SERPINA1: variants seen among roughly 807,000 people sequenced by gnomAD.
SERPINA1 encodes serpin family A member 1, also known as alpha-1-antitrypsin.
A neutral mutation model predicts 25.4 loss-of-function variants in SERPINA1; 21 were observed. The ratio of observed to expected loss-of-function variants is 0.83; its 90% CI spans 0.59 to 1.19. The LOEUF is 1.19. SERPINA1 is among the 50% of genes most tolerant of loss of function. The pLI is 0.00. For missense variants in SERPINA1, 546 were observed against 509.0 expected (o/e 1.07, Z -0.70); for synonymous variants, 218 against 211.1 (o/e 1.03, Z -0.29).
intron 1 of SERPINA1, among the ~76,000 whole-genome samples, chr14:94,385,658 A>G (rs1897239939): frequency 2.0e-5 from 3 of 152,222 alleles, no homozygotes; most frequent in African/African-American, 7.2e-5. Context: ...ATCTGGGTTC[A>G]ATGTAGCAAA....
At chr14:94,390,382 A>G (rs1024425725), upstream of SERPINA1, 2 of 152,636 alleles carry the variant, frequency 1.3e-5, no homozygotes, top group Non-Finnish European at 2.9e-5. Context: ...TCCCATCTGC[A>G]CAATGACCCC....
intron 1 of SERPINA1, chr14:94,383,546 A>G (rs899490429): frequency 1.7e-5 from 8 of 469,456 alleles, no homozygotes; most frequent in Non-Finnish European, 3.1e-5. Context: ...CAGAGAGATT[A>G]GGTCAGCTAT....
chr14:94,383,193 C>A lies in SERPINA1; in HGVS notation c.45G>T (p.Leu15=). ...VSWGILLLAG[L]CCLVPVSLAE... is the part of the protein sequence containing the mutation. ...CCAGGGAGACAGGGACCAGGCAGCA[C>A]AGGCCTGCCAGCAGGAGGATGCCCC... The change falls in exon 2 of 5, where the codon CTG becomes CTT. Residue 15 remains leucine, a synonymous_variant. Coordinates refer to ENST00000393087, the MANE Select transcript of SERPINA1 (RefSeq NM_000295.5). The A allele has an allele frequency of 6.2e-7, 1 of 1,614,114 alleles. No individual in the cohort carries two copies.
At chr14:94,382,083 C>A (rs1283223092) in intron 2 of SERPINA1, among the ~76,000 whole-genome samples, 1 of 152,210 alleles carries the variant, frequency 6.6e-6, no homozygotes, top group East Asian at 1.9e-4. Flanking sequence ...CCTAAAAAAA[C>A]CTGACAGCAA....
rs1053505822 is a variant in SERPINA1 at position 94,376,899 on chromosome 14, C to G, written c.*1550G>C. 2.0e-5 allele frequency: 3 copies of G among 152,218 alleles called. No individual in the cohort carries two copies. The highest frequency in any genetic ancestry group is 2.9e-5 in the Non-Finnish European group (2 of 68,062). The allele number at this position is 152,218 out of a possible 1,614,324, so 9.4% of individuals were successfully genotyped here. On this transcript the variant is annotated 3_prime_UTR_variant, in exon 5 of 5. Coordinates refer to ENST00000393087, the MANE Select transcript of SERPINA1 (RefSeq NM_000295.5). The stretch of plus-strand genomic sequence containing the variant: ...GACTTCACGAAGGTCACACAGCTGT[C>G]AGGGGGAAAAGTCAGAACTTGGATC...
chr14:94,380,833 T>C, intron 3 of SERPINA1, 38 bp downstream of exon 3: 1 of 1,614,124 alleles, frequency 6.2e-7, no homozygotes, highest in Non-Finnish European at 8.5e-7. Flanking sequence ...CTAAGAGGTG[T>C]GGGCAGCTTC....
chr14:94,384,464 T>C (rs1459942132), intron 1 of SERPINA1, among the ~76,000 whole-genome samples: 1 of 151,984 alleles, frequency 6.6e-6, no homozygotes, highest in Non-Finnish European at 1.5e-5. Flanking sequence ...TAGGGAGTGG[T>C]GGGGCCTGTG....
At chr14:94,385,017 G>A (rs1399327699) in intron 1 of SERPINA1, among the ~76,000 whole-genome samples, 2 of 152,208 alleles carry the variant, frequency 1.3e-5, no homozygotes, top group African/African-American at 2.4e-5. Context: ...AATTAGTGCT[G>A]TATATTTCCA....
chr14:94,379,326 C>G (rs937582523), intron 4 of SERPINA1, 138 bp downstream of exon 4: 24 of 1,280,022 alleles, frequency 1.9e-5, no homozygotes, highest in Non-Finnish European at 2.4e-5. Context: ...CAGTGAATCA[C>G]GGGCATCTTC....
At chr14:94,389,085 A>G (rs1267563566), upstream of SERPINA1, 1 of 152,250 alleles carries the variant, frequency 6.6e-6, no homozygotes, top group Admixed American at 6.5e-5. Context: ...CCGCTCATCC[A>G]AAGTTACCCA....
At position 94,378,590 on chromosome 14, in the gene SERPINA1, AGCAGC is replaced by A. The variant is rs751343534; in HGVS notation, c.1111_1115del (p.Ala371TrpfsTer28). 1.3e-5 allele frequency: 21 copies of A among 1,613,974 alleles called. No homozygotes were observed. The highest frequency in any genetic ancestry group is 8.5e-7 in the Non-Finnish European group (1 of 1,180,004). ...GTATGGCCTCTAAAAACATGGCCCC[AGCAGC>A]TTCAGTCCCTTTCTCGTCGATGGTC... is the stretch of plus-strand genomic sequence containing the variant. On this transcript the variant is annotated frameshift_variant, in exon 5 of 5. Transcript: ENST00000393087. LOFTEE classifies it low-confidence loss of function (END_TRUNC).
chr14:94,390,350 T>TA (rs2139737036), upstream of SERPINA1: 1 of 152,744 alleles, frequency 6.5e-6, no homozygotes, highest in Non-Finnish European at 1.5e-5. Flanking sequence ...GGGCATTTCT[T>TA]CCCCTCTCTG....
intron 4 of SERPINA1, chr14:94,379,116 T>C (rs1198053804): frequency 1.7e-6 from 1 of 576,326 alleles, no homozygotes; most frequent in East Asian, 2.9e-5. Flanking sequence ...ATCTCACAGA[T>C]CGAAGGAGTC....
chr14:94,380,683 A>T (rs1896836860), intron 3 of SERPINA1, 188 bp downstream of exon 3: 4 of 716,496 alleles, frequency 5.6e-6, no homozygotes, highest in Non-Finnish European at 9.9e-6. Context: ...CTCCTCATGG[A>T]GCATGGATGG....
At chr14:94,379,754 G>T in intron 3 of SERPINA1, 143 bp from the exon 4 acceptor site, 3 of 1,138,418 alleles carry the variant, frequency 2.6e-6, no homozygotes, top group Non-Finnish European at 3.9e-6. Context: ...TGGGAACTCG[G>T]CTTTGGTTTG....
At position 94,386,113 on chromosome 14, in the gene SERPINA1, T is replaced by G. The variant is rs115993518; in HGVS notation, c.-5+2447A>C. 3.8e-3 allele frequency among the ~76,000 whole-genome samples: 572 copies of G among 152,330 alleles called. 4 individuals are homozygous for G. The highest frequency in any genetic ancestry group is 0.013 in the African/African-American group (559 of 41,578). ...TCCAAAACCTGCTCTCTCCTGGCCC[T>G]TCTATCAGAGGCAGCACCCTGCACT... On this transcript the variant is annotated intron_variant, in intron 1 of 4. Coordinates refer to ENST00000393087, the MANE Select transcript of SERPINA1 (RefSeq NM_000295.5).
At position 94,378,462 on chromosome 14, in the gene SERPINA1, G is replaced by A. The variant is rs2139664128; in HGVS notation, c.1244C>T (p.Pro415Leu). The A allele has an allele frequency of 6.2e-7, 1 of 1,614,038 alleles. No homozygotes were observed. Among genetic ancestry groups the A allele is most frequent in the East Asian group, 2.2e-5 (1 of 44,874 alleles). ...AGCGAGAGGCAGTTATTTTTGGGTG[G>A]GATTCACCACTTTTCCCATGAAGAG... ...SPLFMGKVVN[P>L]TQK is the part of the protein sequence containing the mutation. The change falls in exon 5 of 5, where the codon CCC (proline) becomes CTC (leucine). Residue 415 changes from proline to leucine, a missense_variant. Transcript: ENST00000393087.
At position 94,383,001 on chromosome 14, in the gene SERPINA1, C is replaced by G; in HGVS notation, c.237G>C (p.Val79=). The G allele has an allele frequency of 6.2e-7, 1 of 1,609,754 alleles. No individual in the cohort carries two copies. The highest frequency in any genetic ancestry group is 8.5e-7 in the Non-Finnish European group (1 of 1,176,458). ...SNSTNIFFSP[V]SIATAFAMLS... is the part of the protein sequence containing the mutation. ...GCATTGCAAAGGCTGTAGCGATGCTCACTGGGGAGAAGAAGATATTGGTGC... is the reference window on the plus strand; with the variant it reads ...GCATTGCAAAGGCTGTAGCGATGCTGACTGGGGAGAAGAAGATATTGGTGC... Residue 79 remains valine (V), a synonymous_variant, in exon 2 of 5, where the codon GTG becomes GTC. Transcript: ENST00000393087.
At chr14:94,378,791 CCT>C in intron 4 of SERPINA1, 151 bp from the exon 5 acceptor site, 2 of 861,472 alleles carry the variant, frequency 2.3e-6, no homozygotes, top group Non-Finnish European at 3.8e-6. Context: ...CCTTGCTCCT[CCT>C]CAAGGCTTTG....
Sources: allele counts gnomAD v4.1 joint callset (sites outside exome capture counted in the v4.1 genomes callset), GRCh38; gene constraint gnomAD v4.1.1; transcripts MANE v1.5; gene names NCBI Gene and HGNC (gene_info 2026-07-23, HGNC 2026-07-21).